Variants in AIG1 observed in about 807,000 individuals in gnomAD.
AIG1 encodes the protein androgen induced 1.
Under a neutral mutation model 31.4 loss-of-function variants are expected in AIG1, and 23 were observed. The ratio of observed to expected loss-of-function variants is 0.73; its 90% CI spans 0.53 to 1.04. The LOEUF (loss-of-function observed/expected upper bound fraction) is 1.04, where lower values mean the gene tolerates loss of function less well. Ranked by LOEUF, AIG1 falls within the 50% of genes least tolerant of loss-of-function variation. The pLI is 0.00. For missense variants in AIG1, 274 were observed against 295.0 expected (o/e 0.93, Z 0.52); for synonymous variants, 100 against 110.5 (o/e 0.90, Z 0.60).
At chr6:143,244,461 G>A (rs1794469575) in intron 3 of AIG1, among the ~76,000 whole-genome samples, 1 of 152,196 alleles carries the variant, frequency 6.6e-6, no homozygotes, top group Non-Finnish European at 1.5e-5. Flanking sequence ...AACCCCTTGG[G>A]GGCCATGAGA....
chr6:143,183,009 G>A (rs558892789), intron 3 of AIG1, among the ~76,000 whole-genome samples: 2 of 152,322 alleles, frequency 1.3e-5, no homozygotes, highest in South Asian at 2.1e-4. Flanking sequence ...CCCAGAAAGG[G>A]TCTTTTTGTG....
chr6:143,064,398 G>T (rs929621587), intron 1 of AIG1, among the ~76,000 whole-genome samples: 5 of 152,084 alleles, frequency 3.3e-5, no homozygotes, highest in Admixed American at 2.0e-4. Flanking sequence ...GGTGTGAGAG[G>T]TGTCTAGAAG....
At chr6:143,302,052 C>A (rs1350339791) in intron 4 of AIG1, among the ~76,000 whole-genome samples, 2 of 151,786 alleles carry the variant, frequency 1.3e-5, no homozygotes, top group Non-Finnish European at 2.9e-5. Flanking sequence ...TCAATGGTGA[C>A]TAGAATAGTT....
intron 1 of AIG1, among the ~76,000 whole-genome samples, chr6:143,118,863 A>G (rs183629083): frequency 9.5e-4 from 141 of 148,758 alleles, no homozygotes; most frequent in African/African-American, 3.3e-3. Flanking sequence ...CAAAGAAAGA[A>G]TTTTCTTTTT....
intron 1 of AIG1, among the ~76,000 whole-genome samples, chr6:143,128,241 C>G (rs1782870395): frequency 6.6e-6 from 1 of 152,102 alleles, no homozygotes; most frequent in Non-Finnish European, 1.5e-5. Flanking sequence ...TACTTCCATA[C>G]TTGCGAAAAT....
chr6:143,234,078 C>T (rs1793641535), intron 3 of AIG1, among the ~76,000 whole-genome samples: 1 of 152,096 alleles, frequency 6.6e-6, no homozygotes, highest in Admixed American at 6.6e-5. Flanking sequence ...GAACGGCAGG[C>T]AATGATACTC....
At chr6:143,122,588 A>G (rs1782332415) in intron 1 of AIG1, among the ~76,000 whole-genome samples, 1 of 152,194 alleles carries the variant, frequency 6.6e-6, no homozygotes, top group Admixed American at 6.5e-5. Context: ...TTTTTAGAAC[A>G]TATGTTTCTT....
chr6:143,103,602 G>A (rs868218085), intron 1 of AIG1, among the ~76,000 whole-genome samples: 6 of 147,964 alleles, frequency 4.1e-5, no homozygotes, highest in African/African-American at 1.3e-4. Context: ...CCGCCTCCCG[G>A]GTTCACGCCA....
At chr6:143,166,063 C>T (rs1786911804) in intron 3 of AIG1, among the ~76,000 whole-genome samples, 1 of 152,106 alleles carries the variant, frequency 6.6e-6, no homozygotes, top group Non-Finnish European at 1.5e-5. Flanking sequence ...GTCTTGAGTA[C>T]AAAATAACAG....
At chr6:143,081,680 A>G (rs951648204) in intron 1 of AIG1, among the ~76,000 whole-genome samples, 1 of 152,096 alleles carries the variant, frequency 6.6e-6, no homozygotes, top group East Asian at 1.9e-4. Context: ...GGTGCTGTCA[A>G]TGCCTAAGTG....
intron 1 of AIG1, among the ~76,000 whole-genome samples, chr6:143,075,431 G>A (rs1646797041): frequency 6.6e-6 from 1 of 152,042 alleles, no homozygotes; most frequent in South Asian, 2.1e-4. Context: ...AGCCCCCCAA[G>A]TAGCAGGGAC....
chr6:143,320,206 A>C (rs927729112), intron 4 of AIG1, among the ~76,000 whole-genome samples: 2 of 152,180 alleles, frequency 1.3e-5, no homozygotes, highest in African/African-American at 2.4e-5. Context: ...ATTATAAAGA[A>C]AAAAAAGGAT....
intron 2 of AIG1, among the ~76,000 whole-genome samples, chr6:143,139,525 T>G (rs1376566940): frequency 1.3e-5 from 2 of 152,176 alleles, no homozygotes; most frequent in South Asian, 4.1e-4. Flanking sequence ...AACTCATTTT[T>G]TTTTTGCCCA....
intron 1 of AIG1, among the ~76,000 whole-genome samples, chr6:143,067,986 C>A (rs769026471): frequency 3.3e-5 from 5 of 152,156 alleles, no homozygotes; most frequent in Non-Finnish European, 7.3e-5. Flanking sequence ...GAATCCTCTT[C>A]ACCTTCTTTG....
chr6:143,308,670 G>T (rs4896639), intron 4 of AIG1, among the ~76,000 whole-genome samples: 1 of 152,020 alleles, frequency 6.6e-6, no homozygotes, highest in East Asian at 1.9e-4. Context: ...ACATTGTTCT[G>T]GTATTCAGTC....
chr6:143,137,594 A>G (rs73777886), intron 2 of AIG1, among the ~76,000 whole-genome samples: 369 of 152,348 alleles, frequency 2.4e-3, no homozygotes, highest in African/African-American at 8.7e-3. Flanking sequence ...GCCATTAGCT[A>G]CTATCACTGA....
chr6:143,315,748 G>A (rs1184057471), intron 4 of AIG1, among the ~76,000 whole-genome samples: 1 of 152,026 alleles, frequency 6.6e-6, no homozygotes, highest in Non-Finnish European at 1.5e-5. Flanking sequence ...ATTTGAATTT[G>A]ACATAGAATT....
rs1481597767 is a variant in AIG1, at chr6:143,338,186, A to G, written c.680-1453A>G. The G allele has an allele frequency of 5.1e-6, 2 of 395,826 alleles. No homozygotes were observed. Among genetic ancestry groups the G allele is most frequent in the Non-Finnish European group, 8.9e-6 (2 of 224,868 alleles). 24.5% of individuals were successfully genotyped at this position (395,826 alleles called of 1,614,324 possible). Reference sequence around the variant, plus strand: ...TCCACAGGAGAGGGAATATGGACAGAGCTGAGGTTCAAGACACATGTGCTG... The same window carrying G: ...TCCACAGGAGAGGGAATATGGACAGGGCTGAGGTTCAAGACACATGTGCTG... On this transcript the variant is annotated intron_variant, in intron 5 of 5. Coordinates refer to ENST00000357847, the MANE Select transcript of AIG1 (RefSeq NM_016108.4). The surrounding 1 kb of genome is among the most constrained non-coding windows in gnomAD (Gnocchi z 4.3).
chr6:143,157,459 T>A (rs1452405890), intron 2 of AIG1, among the ~76,000 whole-genome samples: 1 of 151,734 alleles, frequency 6.6e-6, no homozygotes, highest in Non-Finnish European at 1.5e-5. Context: ...TCCTTTTTTT[T>A]TTTTGTGGCT....
Sources: gnomAD v4.1 joint callset for allele counts (sites outside exome capture counted in the v4.1 genomes callset) on GRCh38, gnomAD v4.1.1 for gene constraint, Gnocchi (gnomAD v3.1) non-coding constraint, MANE v1.5 for transcripts, NCBI Gene and HGNC (gene_info 2026-07-23, HGNC 2026-07-21) for gene names.